ESR1: variants seen among roughly 807,000 people sequenced by gnomAD.
ESR1 encodes the protein estrogen receptor.
A neutral mutation model predicts 52.7 loss-of-function variants in ESR1; 12 were observed. The ratio of observed to expected loss-of-function variants is 0.23; its 90% CI spans 0.15 to 0.37. The LOEUF is 0.37. Ranked by LOEUF, ESR1 falls within the 10% of genes least tolerant of loss-of-function variation. The pLI, the probability that ESR1 is intolerant of heterozygous loss-of-function variation, is 1.00. For synonymous variants in ESR1, 305 were observed against 316.8 expected (o/e 0.96, Z 0.39); for missense variants, 584 against 779.7 (o/e 0.75, Z 2.99).
intron 5 of ESR1, among the ~76,000 whole-genome samples, chr6:152,016,889 G>T (rs115055261): frequency 0.015 from 2,328 of 152,174 alleles, 60 homozygotes; most frequent in African/African-American, 0.053. Flanking sequence ...GTAGAAATAG[G>T]GGGGAAAGAT....
intron 3 of ESR1, among the ~76,000 whole-genome samples, chr6:151,912,869 T>C (rs1205050375): frequency 6.6e-6 from 1 of 151,894 alleles, no homozygotes; most frequent in East Asian, 1.9e-4. Context: ...AGTTGAACAA[T>C]GAGAACACAT....
chr6:152,110,406 C>T (rs1454149671), intron 6 of ESR1, among the ~76,000 whole-genome samples: 1 of 152,152 alleles, frequency 6.6e-6, no homozygotes, highest in Non-Finnish European at 1.5e-5. Flanking sequence ...GGCCATTATC[C>T]TTAGCAAACT....
chr6:151,950,770 C>T (rs2036238952), intron 4 of ESR1, among the ~76,000 whole-genome samples: 1 of 152,146 alleles, frequency 6.6e-6, no homozygotes. Flanking sequence ...GCCTTGATTT[C>T]AGACTTCTAG....
intron 2 of ESR1, among the ~76,000 whole-genome samples, chr6:151,777,101 GTCTTTTCTTT>G (rs375369369): frequency 4.9e-4 from 73 of 149,022 alleles, no homozygotes; most frequent in South Asian, 3.4e-3. Flanking sequence ...CAACTCTGAG[GTCTTTTCTTT>G]TCTTTTCTTT....
At chr6:152,036,026 C>G (rs2045267927) in intron 5 of ESR1, among the ~76,000 whole-genome samples, 1 of 152,050 alleles carries the variant, frequency 6.6e-6, no homozygotes, top group Admixed American at 6.6e-5. Flanking sequence ...AAGTACTAAC[C>G]ATAAAAGAAA....
intron 4 of ESR1, among the ~76,000 whole-genome samples, chr6:151,962,481 G>C (rs2037782249): frequency 6.6e-6 from 1 of 152,126 alleles, no homozygotes; most frequent in South Asian, 2.1e-4. Context: ...TGGGCCCCTG[G>C]TTGATGTCAT....
At chr6:151,852,286 A>G (rs1286531410) in intron 2 of ESR1, among the ~76,000 whole-genome samples, 1 of 152,226 alleles carries the variant, frequency 6.6e-6, no homozygotes, top group Admixed American at 6.5e-5. Context: ...AATTTCCTCA[A>G]TTAATTTTAA....
At chr6:152,117,968 C>T (rs759140603) in intron 6 of ESR1, among the ~76,000 whole-genome samples, 2 of 152,216 alleles carry the variant, frequency 1.3e-5, no homozygotes, top group Non-Finnish European at 2.9e-5. Context: ...GATGACCACA[C>T]TCAGAAAAAC....
intron 2 of ESR1, among the ~76,000 whole-genome samples, chr6:151,855,640 G>A (rs1411216672): frequency 6.6e-6 from 1 of 152,176 alleles, no homozygotes; most frequent in Non-Finnish European, 1.5e-5. Context: ...ATCCAGCTAA[G>A]GGTTCTGCTT....
rs557357378 is a variant in ESR1 at position 152,055,299 on chromosome 6, A to G, written c.1236-5692A>G. 3.3e-5 allele frequency among the ~76,000 whole-genome samples: 5 copies of G among 152,292 alleles called. No individual in the cohort carries two copies. In the South Asian group the frequency reaches 1.0e-3, roughly 32 times the overall value. On this transcript the variant is annotated intron_variant, in intron 5 of 7. Coordinates refer to ENST00000206249, the MANE Select transcript of ESR1 (RefSeq NM_000125.4). ...AATGGTTGTAGTAATTTACATATCC[A>G]ACCAAGCACGCCAGGGTTCACTTTT...
intron 1 of ESR1, among the ~76,000 whole-genome samples, chr6:151,821,751 T>C (rs919610371): frequency 2.0e-5 from 3 of 152,246 alleles, no homozygotes; most frequent in African/African-American, 7.2e-5. Flanking sequence ...CAGGTTACAA[T>C]AGACATTTTT....
intron 5 of ESR1, among the ~76,000 whole-genome samples, chr6:152,028,626 T>A (rs571889630): frequency 1.4e-4 from 21 of 152,094 alleles, no homozygotes; most frequent in African/African-American, 5.1e-4. Flanking sequence ...GAGGCTTGAG[T>A]AGGTAAACAA....
At chr6:151,849,724 T>C (rs926107491) in intron 2 of ESR1, among the ~76,000 whole-genome samples, 1 of 151,638 alleles carries the variant, frequency 6.6e-6, no homozygotes, top group African/African-American at 2.4e-5. Flanking sequence ...GTTAGGTTGG[T>C]AAGAGAAGTG....
intron 4 of ESR1, among the ~76,000 whole-genome samples, chr6:151,969,071 C>T (rs9371568): frequency 1.5e-3 from 227 of 152,100 alleles, no homozygotes; most frequent in East Asian, 0.013. Flanking sequence ...TTCTCTACGC[C>T]GTTCTGAATG....
chr6:152,122,334 G>A (rs1397207262), intron 6 of ESR1: 16 of 1,596,634 alleles, frequency 1.0e-5, no homozygotes, highest in Non-Finnish European at 1.4e-5. Flanking sequence ...CCACACCGAG[G>A]GCTTTCGCCA....
At chr6:151,676,698 G>A (rs1778265292) in intron 1 of ESR1, among the ~76,000 whole-genome samples, 1 of 152,080 alleles carries the variant, frequency 6.6e-6, no homozygotes, top group African/African-American at 2.4e-5. Context: ...ACCCCTCATG[G>A]GAAGGCATCC....
At chr6:151,777,947 C>T (rs541513155) in intron 2 of ESR1, among the ~76,000 whole-genome samples, 30 of 151,000 alleles carry the variant, frequency 2.0e-4, no homozygotes, top group African/African-American at 3.9e-4. Context: ...GGAACAAGAG[C>T]GAAACTCTGT....
At chr6:152,123,027 A>G (rs1248617363) in intron 6 of ESR1, among the ~76,000 whole-genome samples, 1 of 152,260 alleles carries the variant, frequency 6.6e-6, no homozygotes. Context: ...AATAATTAAA[A>G]TGTAGATATT....
At chr6:151,824,899 C>T (rs1023606743) in intron 1 of ESR1, among the ~76,000 whole-genome samples, 2 of 146,868 alleles carry the variant, frequency 1.4e-5, no homozygotes. Flanking sequence ...CCAGGCTGGG[C>T]AACAGAGCGA....
Sources: allele counts gnomAD v4.1 joint callset (sites outside exome capture counted in the v4.1 genomes callset), GRCh38; gene constraint gnomAD v4.1.1; transcripts MANE v1.5; gene names NCBI Gene and HGNC (gene_info 2026-07-23, HGNC 2026-07-21).